Variants in RNF125 observed in about 807,000 individuals in gnomAD.
RNF125 encodes E3 ubiquitin-protein ligase RNF125.
Under a neutral mutation model 26.0 loss-of-function variants are expected in RNF125, and 21 were observed. That is an observed-to-expected ratio of 0.81 (90% CI 0.57 to 1.16). RNF125 has a LOEUF of 1.16. RNF125 is among the 50% of genes most tolerant of loss of function. RNF125 has a pLI of 0.00. For missense variants in RNF125, 270 were observed against 299.4 expected, an observed-to-expected ratio of 0.90 and a Z score of 0.72; for synonymous variants, 95 against 109.2, an observed-to-expected ratio of 0.87 and a Z score of 0.81.
chr18:32,049,819 G>A (rs938429813), intron 4 of RNF125, among the ~76,000 whole-genome samples: 8 of 152,090 alleles, frequency 5.3e-5, no homozygotes, highest in Admixed American at 1.3e-4. Context: ...CACTCTGAAG[G>A]ATCTAGAGCC....
the RNF125 span, among the ~76,000 whole-genome samples, chr18:32,083,190 T>G: frequency 6.6e-6 from 1 of 152,142 alleles, no homozygotes; most frequent in Non-Finnish European, 1.5e-5. Context: ...ACATAACAGG[T>G]GGTTGATAGG....
intron 1 of RNF125, among the ~76,000 whole-genome samples, chr18:32,035,076 T>C (rs1010550217): frequency 2.0e-5 from 3 of 152,134 alleles, no homozygotes; most frequent in African/African-American, 7.2e-5. Flanking sequence ...GGTCTATACT[T>C]GACTTGGCTT....
At chr18:32,063,056 C>T (rs1434694411) in intron 4 of RNF125, among the ~76,000 whole-genome samples, 2 of 151,776 alleles carry the variant, frequency 1.3e-5, no homozygotes, top group East Asian at 3.9e-4. Flanking sequence ...CCTGTCTTTA[C>T]TAAAAATACA....
intron 4 of RNF125, among the ~76,000 whole-genome samples, chr18:32,049,595 G>C (rs953573343): frequency 3.3e-5 from 5 of 152,028 alleles, no homozygotes; most frequent in African/African-American, 9.7e-5. Flanking sequence ...TGTGAGTCGG[G>C]GGGGTGGCGG....
At chr18:32,052,351 G>C (rs1271344842) in intron 4 of RNF125, among the ~76,000 whole-genome samples, 1 of 151,802 alleles carries the variant, frequency 6.6e-6, no homozygotes, top group Non-Finnish European at 1.5e-5. Context: ...AAATTAGCCA[G>C]GCACGGTGGC....
At chr18:32,064,404 T>TTC (rs2039465207) in intron 4 of RNF125, among the ~76,000 whole-genome samples, 1 of 123,910 alleles carries the variant, frequency 8.1e-6, no homozygotes, top group African/African-American at 2.9e-5. Context: ...TTCTTTTTTT[T>TTC]TTTTTTTTTT....
In RNF125 at chr18:32,066,992, C is replaced by T. The variant is rs561043291; in HGVS notation, c.612+983C>T. 7.9e-5 allele frequency among the ~76,000 whole-genome samples: 12 copies of T among 152,304 alleles called. No homozygotes were observed. In the South Asian group the frequency reaches 2.5e-3, roughly 32 times the overall value. On this transcript the variant is annotated intron_variant, in intron 5 of 5. Coordinates refer to ENST00000217740, the MANE Select transcript of RNF125 (RefSeq NM_017831.4). ...TCTTGGCCGGGCGTGGTGGCTCACA[C>T]CTGTAATCCCAGCACTTTGGGAGGC...
At chr18:32,082,094 C>T in the RNF125 span, among the ~76,000 whole-genome samples, 7 of 152,092 alleles carry the variant, frequency 4.6e-5, no homozygotes, top group Non-Finnish European at 1.5e-5. Context: ...ATCTTGGCTC[C>T]CTGAGCTACA....
intron 1 of RNF125, among the ~76,000 whole-genome samples, chr18:32,035,681 A>G (rs1369264512): frequency 2.0e-5 from 3 of 152,242 alleles, no homozygotes; most frequent in Non-Finnish European, 4.4e-5. Context: ...ATTTATAGGA[A>G]GTACAGAAAC....
At chr18:32,028,284 C>T (rs894581011) in intron 1 of RNF125, among the ~76,000 whole-genome samples, 32 of 119,556 alleles carry the variant, frequency 2.7e-4, no homozygotes, top group Admixed American at 2.3e-3. Flanking sequence ...GGCAACAGAG[C>T]GAGACTCCGT....
chr18:32,029,227 A>G (rs183334934), intron 1 of RNF125, among the ~76,000 whole-genome samples: 1 of 152,260 alleles, frequency 6.6e-6, no homozygotes, highest in East Asian at 1.9e-4. Flanking sequence ...TATCAGTTGT[A>G]AAAAATAGAT....
intron 4 of RNF125, among the ~76,000 whole-genome samples, chr18:32,062,053 A>G (rs981305250): frequency 2.6e-5 from 4 of 152,218 alleles, no homozygotes; most frequent in East Asian, 1.9e-4. Flanking sequence ...TGTGGCATTT[A>G]TTGAATGTTT....
intron 2 of RNF125, among the ~76,000 whole-genome samples, chr18:32,039,814 G>T (rs1016040792): frequency 2.4e-5 from 3 of 126,428 alleles, no homozygotes; most frequent in Admixed American, 1.9e-4. Flanking sequence ...GTCTCACTCT[G>T]TTGCCCAGGA....
Position 32,068,413 on chromosome 18 carries a change from A to G in RNF125, c.*29A>G, listed in dbSNP as rs755875377. 5.4e-5 allele frequency: 66 copies of G among 1,232,774 alleles called. No individual in the cohort carries two copies. The highest frequency in any genetic ancestry group is 7.8e-5 in the Non-Finnish European group (65 of 836,214). 76.4% of individuals were successfully genotyped at this position (1,232,774 alleles called of 1,614,324 possible). A position where few individuals can be genotyped will look rare whatever the true frequency, so the allele number is the denominator to read the frequency against. ...TATTAAAACGAAGGGAAAAGGGACC[A>G]CTGAATTGCACCATTTAAGATGCTG... is the stretch of plus-strand genomic sequence containing the variant. On this transcript the variant is annotated 3_prime_UTR_variant, in exon 6 of 6. Transcript: ENST00000217740.
At chr18:32,082,567 C>T in the RNF125 span, among the ~76,000 whole-genome samples, 1 of 152,130 alleles carries the variant, frequency 6.6e-6, no homozygotes, top group Non-Finnish European at 1.5e-5. Context: ...TAAAGTTTGT[C>T]AAACAGAGTG....
chr18:32,053,480 C>G (rs2039348524), intron 4 of RNF125, among the ~76,000 whole-genome samples: 1 of 152,090 alleles, frequency 6.6e-6, no homozygotes. Context: ...GGAAAACTGT[C>G]AACTGTAGGC....
chr18:32,040,961 TCTTA>T (rs1369923728), intron 2 of RNF125, among the ~76,000 whole-genome samples: 1 of 152,228 alleles, frequency 6.6e-6, no homozygotes, highest in Non-Finnish European at 1.5e-5. Flanking sequence ...AGGGTTTTGT[TCTTA>T]CTTTTCACTT....
the RNF125 span, among the ~76,000 whole-genome samples, chr18:32,081,043 G>A: frequency 1.3e-5 from 2 of 151,758 alleles, no homozygotes; most frequent in Non-Finnish European, 2.9e-5. Flanking sequence ...ATCATTAACC[G>A]AGTGTGATGG....
At chr18:32,022,907 A>C (rs2038998535) in intron 1 of RNF125, among the ~76,000 whole-genome samples, 1 of 152,110 alleles carries the variant, frequency 6.6e-6, no homozygotes. Flanking sequence ...TTTGGGGTGA[A>C]ATATTTTCAG....
Sources: gnomAD v4.1 joint callset for allele counts (sites outside exome capture counted in the v4.1 genomes callset) on GRCh38, gnomAD v4.1.1 for gene constraint, MANE v1.5 for transcripts, NCBI Gene and HGNC (gene_info 2026-07-23, HGNC 2026-07-21) for gene names.